Variants in DLC1 observed in about 807,000 individuals in gnomAD.
The protein encoded by DLC1 is rho GTPase-activating protein 7.
A neutral mutation model predicts 140.3 loss-of-function variants in DLC1; 54 were observed. The ratio of observed to expected loss-of-function variants is 0.38; its 90% CI spans 0.31 to 0.48. The LOEUF is 0.48. Among genes scored for constraint, DLC1 ranks in the 20% least tolerant of loss-of-function variants. The pLI, the probability that DLC1 is intolerant of heterozygous loss-of-function variation, is 0.96. For missense variants in DLC1, 2,536 were observed against 1,907.0 expected (o/e 1.33, Z -6.14); for synonymous variants, 986 against 728.1 (o/e 1.35, Z -5.70).
Position 13,299,302 on chromosome 8 carries a change from G to A in DLC1, c.1348+5967C>T, listed in dbSNP as rs560507798. On this transcript the variant is annotated intron_variant, in intron 5 of 17. Coordinates refer to ENST00000276297, the MANE Select transcript of DLC1 (RefSeq NM_182643.3). ...TACTAAAAATATAAAAAAAAAATTA[G>A]CCAGGTGTGGTGGTGGGTGCCTGTA... is the stretch of plus-strand genomic sequence containing the variant. Among the ~76,000 whole-genome samples the A allele has an allele frequency of 3.0e-4, 46 of 151,816 alleles. No individual in the cohort carries two copies. In the South Asian group the frequency reaches 5.6e-3, roughly 19 times the overall value.
chr8:13,139,603 A>G (rs1822824570), intron 5 of DLC1, among the ~76,000 whole-genome samples: 1 of 152,202 alleles, frequency 6.6e-6, no homozygotes, highest in South Asian at 2.1e-4. Context: ...TAAATCAACC[A>G]GCATGCTTTC....
intron 2 of DLC1, among the ~76,000 whole-genome samples, chr8:13,453,556 ATTTTTTT>A (rs370075708): frequency 0.01 from 281 of 26,866 alleles, 10 homozygotes; most frequent in African/African-American, 0.046. Context: ...ATATATATAT[ATTTTTTT>A]TTTTTTTTTT....
chr8:13,524,756 T>G lies in DLC1; in HGVS notation c.-125-24560A>C, dbSNP rs1247190140. Among the ~76,000 whole-genome samples the G allele has an allele frequency of 3.3e-5, 5 of 152,086 alleles. No individual in the cohort carries two copies. In the East Asian group the frequency reaches 9.6e-4, roughly 29 times the overall value. ...TCTTTTGCCAATTTCTTCTTTTTCA[T>G]TTTTTCAATTCATCTCTCATTTCTT... is the stretch of plus-strand genomic sequence containing the variant. On this transcript the variant is annotated intron_variant, in intron 1 of 1. Coordinates refer to the DLC1 transcript ENST00000631382.
chr8:13,499,345 C>G lies in DLC1; in HGVS notation c.727G>C (p.Asp243His), dbSNP rs772189510. The part of the protein sequence containing the change: ...QQRRKPDPPK[D>H]ENERSTCNVV... Reference sequence around the variant, plus strand: ...TTGCAGGTGCTTCTTTCATTTTCATCTTTAGGGGGGTCAGGTTTCCTTCGT... The same window carrying G: ...TTGCAGGTGCTTCTTTCATTTTCATGTTTAGGGGGGTCAGGTTTCCTTCGT... The change falls in exon 2 of 18, where the codon GAT (aspartate) becomes CAT (histidine). Residue 243 changes from aspartate to histidine, a missense_variant. By Grantham distance (81) the Asp-to-His change is moderately conservative. Coordinates refer to ENST00000276297, the MANE Select transcript of DLC1 (RefSeq NM_182643.3). 1 of 1,613,980 alleles carries G rather than the reference C, an allele frequency of 6.2e-7. No homozygotes were observed. Among genetic ancestry groups the G allele is most frequent in the Non-Finnish European group, 8.5e-7 (1 of 1,180,004 alleles).
intron 1 of DLC1, among the ~76,000 whole-genome samples, chr8:13,572,291 G>C (rs1585288778): frequency 6.6e-6 from 1 of 151,816 alleles, no homozygotes; most frequent in Admixed American, 6.6e-5. Context: ...GGGTTTCACC[G>C]TGTTAGCCAG....
intron 2 of DLC1, among the ~76,000 whole-genome samples, chr8:13,419,089 G>C (rs1395891082): frequency 1.3e-5 from 2 of 152,040 alleles, no homozygotes; most frequent in African/African-American, 4.8e-5. Flanking sequence ...TGCTGAAGTT[G>C]CTTATCAGCT....
chr8:13,568,612 T>C (rs555011771), intron 1 of DLC1, among the ~76,000 whole-genome samples: 1 of 152,200 alleles, frequency 6.6e-6, no homozygotes, highest in Admixed American at 6.5e-5. Context: ...GCAGGGTTGA[T>C]ACAAACTCTT....
intron 5 of DLC1, among the ~76,000 whole-genome samples, chr8:13,142,170 G>C (rs946950049): frequency 6.6e-5 from 10 of 152,216 alleles, no homozygotes; most frequent in African/African-American, 1.4e-4. Context: ...AGTTTCCTGA[G>C]CCTTCCCCAG....
chr8:13,262,458 A>G (rs1440793198), intron 5 of DLC1, among the ~76,000 whole-genome samples: 1 of 152,178 alleles, frequency 6.6e-6, no homozygotes, highest in Non-Finnish European at 1.5e-5. Flanking sequence ...TGATACATGG[A>G]CAACTTAGTA....
intron 1 of DLC1, among the ~76,000 whole-genome samples, chr8:13,553,648 C>T (rs1195454996): frequency 6.6e-6 from 1 of 151,882 alleles, no homozygotes; most frequent in Non-Finnish European, 1.5e-5. Context: ...CCACTGCTCT[C>T]AGCCTCTCCA....
At chr8:13,200,523 G>A (rs1827320754) in intron 5 of DLC1, among the ~76,000 whole-genome samples, 1 of 152,122 alleles carries the variant, frequency 6.6e-6, no homozygotes, top group African/African-American at 2.4e-5. Flanking sequence ...CTTAAATACT[G>A]ATGTTTTCTT....
rs184271624 is a variant in DLC1 at position 13,304,692 on chromosome 8, G to A, written c.1348+577C>T. 5 of 956,784 alleles carry A rather than the reference G, an allele frequency of 5.2e-6. 1 individual carries two copies. In the African/African-American group the frequency reaches 8.8e-5, roughly 17 times the overall value. 59.3% of individuals were successfully genotyped at this position (956,784 alleles called of 1,614,324 possible). A position where few individuals can be genotyped will look rare whatever the true frequency, so the allele number is the denominator to read the frequency against. On this transcript the variant is annotated intron_variant, in intron 5 of 17. Transcript: ENST00000276297. ...TAGTATGATTTTTTAAAAACACATA[G>A]ATCTACCAATCCATGTCTAATTTTT...
chr8:13,428,329 G>C (rs1838693356), intron 2 of DLC1, among the ~76,000 whole-genome samples: 1 of 152,148 alleles, frequency 6.6e-6, no homozygotes, highest in African/African-American at 2.4e-5. Context: ...GATGTTAGTA[G>C]AGGATTTTCA....
intron 4 of DLC1, among the ~76,000 whole-genome samples, chr8:13,381,172 G>C: frequency 6.6e-6 from 1 of 152,174 alleles, no homozygotes; most frequent in East Asian, 1.9e-4. Context: ...AATTTGGCTG[G>C]AAACTGGCAG....
intron 4 of DLC1, among the ~76,000 whole-genome samples, chr8:13,349,492 G>C (rs776781435): frequency 1.3e-5 from 2 of 152,172 alleles, no homozygotes; most frequent in Non-Finnish European, 2.9e-5. Context: ...CTCTTTCACA[G>C]AGCATTTGAG....
chr8:13,579,361 A>ATTTT lies in DLC1; in HGVS notation c.-126+25172_-126+25175dup, dbSNP rs60996497. On this transcript the variant is annotated intron_variant, in intron 1 of 1. Transcript: ENST00000631382. ...TATATATATATATATATATATATAT[A>ATTTT]TTTTTATATAATACATATTTATATA... Among the ~76,000 whole-genome samples the ATTTT allele has an allele frequency of 4.3e-4, 11 of 25,486 alleles. 3 individuals carry two copies. In the East Asian group the frequency reaches 5.8e-3, roughly 13 times the overall value. 16.7% of individuals were successfully genotyped at this position (25,486 alleles called of 152,430 possible). A position where few individuals can be genotyped will look rare whatever the true frequency, so the allele number is the denominator to read the frequency against.
chr8:13,421,964 A>G (rs563149583), intron 2 of DLC1, among the ~76,000 whole-genome samples: 2 of 152,196 alleles, frequency 1.3e-5, no homozygotes, highest in South Asian at 2.1e-4. Context: ...TTTTAATTCA[A>G]ATGGTCATAG....
chr8:13,371,423 C>A (rs915415759), intron 4 of DLC1, among the ~76,000 whole-genome samples: 18 of 152,270 alleles, frequency 1.2e-4, no homozygotes, highest in Admixed American at 3.9e-4. Context: ...TCAAGTTCCT[C>A]TTTGTCACAG....
At chr8:13,108,353 A>G (rs1174813141) in intron 7 of DLC1, among the ~76,000 whole-genome samples, 4 of 152,156 alleles carry the variant, frequency 2.6e-5, no homozygotes, top group Non-Finnish European at 5.9e-5. Context: ...TGCATTTCCT[A>G]TAAGATGTTA....
Sources: gnomAD v4.1 joint callset for allele counts (sites outside exome capture counted in the v4.1 genomes callset) on GRCh38, gnomAD v4.1.1 for gene constraint, MANE v1.5 for transcripts, NCBI Gene and HGNC (gene_info 2026-07-23, HGNC 2026-07-21) for gene names.